The following CSMD1 variants were observed in gnomAD, a reference collection of about 807,000 sequenced individuals.
CSMD1 encodes CUB and Sushi multiple domains 1, also known as CUB and sushi domain-containing protein 1.
Under a neutral mutation model 417.5 loss-of-function variants are expected in CSMD1, and 213 were observed. The ratio of observed to expected loss-of-function variants is 0.51; its 90% CI spans 0.46 to 0.57. The LOEUF (loss-of-function observed/expected upper bound fraction) is 0.57. CSMD1 is among the 20% of genes least tolerant of loss of function. The probability of loss-of-function intolerance (pLI) is 0.00; values close to 1 mark genes in which losing one functional copy is unlikely to be tolerated. For synonymous variants in CSMD1, 2,862 were observed against 1,736.8 expected, an observed-to-expected ratio of 1.65 and a Z score of -16.11; for missense variants, 6,923 against 4,529.7, an observed-to-expected ratio of 1.53 and a Z score of -15.17.
intron 3 of CSMD1, among the ~76,000 whole-genome samples, chr8:4,277,651 G>A (rs1014899960): frequency 1.3e-5 from 2 of 152,154 alleles, no homozygotes; most frequent in Non-Finnish European, 2.9e-5. Flanking sequence ...GAAACAACCT[G>A]TTTGTATCAT....
rs544740461 is a variant in CSMD1 at position 3,229,921 on chromosome 8, G to C, written c.4345+119C>G. ...ATTTCAGGAGTCTCAGAGAGCCAGA[G>C]AACATGAAAGAAACTCTTGAGAAAT... On this transcript the variant is annotated intron_variant, in intron 27 of 69. Coordinates refer to ENST00000635120, the MANE Select transcript of CSMD1 (RefSeq NM_033225.6). 1.3e-5 allele frequency: 9 copies of C among 714,142 alleles called. No individual in the cohort carries two copies. The East Asian group carries it at 2.3e-4, about 18-fold the overall frequency. The allele number at this position is 714,142 out of a possible 1,614,324, so 44.2% of individuals were successfully genotyped here.
intron 3 of CSMD1, among the ~76,000 whole-genome samples, chr8:4,311,414 C>T (rs1798559339): frequency 1.3e-5 from 2 of 152,174 alleles, no homozygotes; most frequent in Non-Finnish European, 2.9e-5. Context: ...AAACCAAATA[C>T]ATGTTTCACT....
chr8:4,073,835 A>G (rs779520551), intron 3 of CSMD1, among the ~76,000 whole-genome samples: 18 of 152,110 alleles, frequency 1.2e-4, no homozygotes, highest in Non-Finnish European at 1.5e-4. Flanking sequence ...TGCTTTGTTA[A>G]TAGTTGGGTT....
chr8:4,156,211 G>A (rs914610220), intron 3 of CSMD1, among the ~76,000 whole-genome samples: 1 of 152,184 alleles, frequency 6.6e-6, no homozygotes, highest in Non-Finnish European at 1.5e-5. Flanking sequence ...TGGGATCACT[G>A]TGATATCCTT....
At chr8:4,183,824 C>A (rs987350763) in intron 3 of CSMD1, among the ~76,000 whole-genome samples, 1 of 152,130 alleles carries the variant, frequency 6.6e-6, no homozygotes, top group African/African-American at 2.4e-5. Context: ...TATTAAATGT[C>A]TCCCCTCCTG....
chr8:4,490,462 C>A (rs1323192837), intron 2 of CSMD1, among the ~76,000 whole-genome samples: 1 of 152,206 alleles, frequency 6.6e-6, no homozygotes, highest in Non-Finnish European at 1.5e-5. Context: ...TTAATGACAA[C>A]TGATTAATTA....
intron 2 of CSMD1, among the ~76,000 whole-genome samples, chr8:4,444,049 A>C (rs1479774828): frequency 6.6e-6 from 1 of 152,146 alleles, no homozygotes; most frequent in Non-Finnish European, 1.5e-5. Context: ...TGAGAAGAGT[A>C]AGATAGAGGT....
chr8:4,601,119 C>G (rs963973450), intron 2 of CSMD1, among the ~76,000 whole-genome samples: 1 of 152,042 alleles, frequency 6.6e-6, no homozygotes, highest in South Asian at 2.1e-4. Flanking sequence ...ACCACGCCTG[C>G]TAATTTTGTA....
intron 5 of CSMD1, among the ~76,000 whole-genome samples, chr8:3,849,500 G>C (rs77777162): frequency 6.6e-6 from 1 of 152,278 alleles, no homozygotes; most frequent in Non-Finnish European, 1.5e-5. Context: ...TCAAATAAAT[G>C]AGTAAATGAG....
At chr8:2,981,598 G>T (rs1047809761) in intron 54 of CSMD1, among the ~76,000 whole-genome samples, 2 of 152,080 alleles carry the variant, frequency 1.3e-5, no homozygotes, top group Non-Finnish European at 1.5e-5. Flanking sequence ...CAGCTGGGAG[G>T]AATGAGAACA....
chr8:4,562,313 G>A (rs1306018675), intron 2 of CSMD1, among the ~76,000 whole-genome samples: 3 of 152,282 alleles, frequency 2.0e-5, no homozygotes, highest in South Asian at 2.1e-4. Context: ...ACTCAGCAAG[G>A]TCAGTGGGAG....
chr8:4,371,316 A>G (rs1406281600), intron 3 of CSMD1, among the ~76,000 whole-genome samples: 4 of 152,048 alleles, frequency 2.6e-5, no homozygotes, highest in South Asian at 4.1e-4. Context: ...ATACTCACAG[A>G]CTACTGGCAA....
chr8:3,995,791 C>T (rs997645994), intron 5 of CSMD1, among the ~76,000 whole-genome samples: 1 of 152,170 alleles, frequency 6.6e-6, no homozygotes, highest in African/African-American at 2.4e-5. Context: ...CTATCCCCGG[C>T]TAATCATGGC....
At chr8:4,430,562 G>C (rs973214486) in intron 2 of CSMD1, among the ~76,000 whole-genome samples, 2 of 151,972 alleles carry the variant, frequency 1.3e-5, no homozygotes, top group Admixed American at 1.3e-4. Context: ...AAGTTACTCT[G>C]GGGAAGAAAA....
chr8:4,420,058 C>T lies in CSMD1; in HGVS notation c.310G>A (p.Gly104Arg). The T allele has an allele frequency of 6.4e-7, 1 of 1,558,258 alleles. No homozygotes were observed. Residue 104 changes from glycine to arginine, a missense_variant, in exon 3 of 70, where the codon GGA becomes AGA. Transcript: ENST00000635120. ...QQGNLKVRLS[G>R]FQLPSSIVST... is the part of the protein sequence containing the mutation. ...ACTATAGAGGAGGGCAGCTGAAATC[C>T]CGATAATCTAAATTTAAAAGACAAG...
intron 2 of CSMD1, among the ~76,000 whole-genome samples, chr8:4,549,097 G>A (rs1313190104): frequency 1.3e-5 from 2 of 151,808 alleles, no homozygotes; most frequent in African/African-American, 2.4e-5. Context: ...CCATAAGTTT[G>A]ACTTAAGAAA....
intron 5 of CSMD1, among the ~76,000 whole-genome samples, chr8:3,774,481 G>A (rs1798794660): frequency 6.6e-6 from 1 of 152,182 alleles, no homozygotes; most frequent in Non-Finnish European, 1.5e-5. Context: ...TCATAGGACA[G>A]AGAGACGGTT....
chr8:4,471,911 T>C (rs557569089), intron 2 of CSMD1, among the ~76,000 whole-genome samples: 34 of 152,216 alleles, frequency 2.2e-4, no homozygotes, highest in African/African-American at 7.7e-4. Flanking sequence ...GTGTTTCCAA[T>C]GATTAGGAAA....
chr8:3,739,451 C>G (rs1277552760), intron 6 of CSMD1, among the ~76,000 whole-genome samples: 1 of 152,058 alleles, frequency 6.6e-6, no homozygotes, highest in African/African-American at 2.4e-5. Context: ...AGTGATGCAC[C>G]CGTTAATTAC....
Sources: gnomAD v4.1 joint callset for allele counts (sites outside exome capture counted in the v4.1 genomes callset) on GRCh38, gnomAD v4.1.1 for gene constraint, MANE v1.5 for transcripts, NCBI Gene and HGNC (gene_info 2026-07-23, HGNC 2026-07-21) for gene names.